RPTOR: variants seen among roughly 807,000 people sequenced by gnomAD.
The protein encoded by RPTOR is regulatory associated protein of MTOR complex 1, also known as regulatory-associated protein of mTOR.
RPTOR carries 21 observed loss-of-function variants against 169.9 expected under a neutral mutation model. That is an observed-to-expected ratio of 0.12 (90% CI 0.09 to 0.18). RPTOR has a LOEUF of 0.18. Ranked by LOEUF, RPTOR falls within the 10% of genes least tolerant of loss-of-function variation. The pLI, the probability that RPTOR is intolerant of heterozygous loss-of-function variation, is 1.00. For missense variants in RPTOR, 1,133 were observed against 1,855.9 expected (o/e 0.61, Z 7.16); for synonymous variants, 732 against 753.2 (o/e 0.97, Z 0.46).
chr17:80,653,354 G>T (rs752709822), intron 3 of RPTOR, among the ~76,000 whole-genome samples: 1 of 152,154 alleles, frequency 6.6e-6, no homozygotes. Context: ...ACCAGCCTGG[G>T]CAACATAGTG....
At chr17:80,560,171 G>T (rs2084462181) in intron 1 of RPTOR, among the ~76,000 whole-genome samples, 1 of 152,208 alleles carries the variant, frequency 6.6e-6, no homozygotes, top group South Asian at 2.1e-4. Context: ...CAGGAATTCT[G>T]CAGCTGGACA....
At chr17:80,598,497 G>A (rs1180121704) in intron 1 of RPTOR, among the ~76,000 whole-genome samples, 2 of 152,188 alleles carry the variant, frequency 1.3e-5, no homozygotes, top group African/African-American at 4.8e-5. Flanking sequence ...AGACAAAAAG[G>A]TTTTTAAAAA....
intron 1 of RPTOR, among the ~76,000 whole-genome samples, chr17:80,599,594 G>T (rs537418233): frequency 3.9e-5 from 6 of 152,158 alleles, no homozygotes; most frequent in African/African-American, 9.7e-5. Context: ...AGGTAATAGG[G>T]TCTAGTATTT....
intron 1 of RPTOR, among the ~76,000 whole-genome samples, chr17:80,595,084 AAGAG>A (rs368899671): frequency 3.3e-5 from 5 of 151,506 alleles, no homozygotes; most frequent in African/African-American, 7.3e-5. Flanking sequence ...GGAGAAGAGA[AAGAG>A]AGAGAGAGAC....
Position 80,945,651 on chromosome 17 carries a change from G to T in RPTOR, c.3026-16G>T. ...TGCTGGCTCCTGGATCCACTCTTGT[G>T]TGTTTCTTTTGACAGGCATTACGAG... On this transcript the variant is annotated splice_polypyrimidine_tract_variant and intron_variant, in intron 25 of 33. Transcript: ENST00000306801. The T allele has an allele frequency of 6.6e-7, 1 of 1,512,430 alleles. No homozygotes were observed. The highest frequency in any genetic ancestry group is 9.1e-7 in the Non-Finnish European group (1 of 1,092,936). 93.7% of individuals were successfully genotyped at this position (1,512,430 alleles called of 1,614,324 possible).
chr17:80,776,163 T>C (rs752190834), intron 6 of RPTOR, among the ~76,000 whole-genome samples: 1 of 152,142 alleles, frequency 6.6e-6, no homozygotes. Context: ...TGTGCCACTG[T>C]ACTCTAGCCT....
chr17:80,607,387 T>A (rs1851415730), intron 1 of RPTOR, among the ~76,000 whole-genome samples: 1 of 152,228 alleles, frequency 6.6e-6, no homozygotes, highest in African/African-American at 2.4e-5. Context: ...TTTAATGTCA[T>A]GTATCAATCG....
intron 3 of RPTOR, among the ~76,000 whole-genome samples, chr17:80,650,370 G>A (rs1039278908): frequency 6.6e-6 from 1 of 152,182 alleles, no homozygotes; most frequent in African/African-American, 2.4e-5. Context: ...GGTGGAGTCC[G>A]CCTCCTCCCT....
At chr17:80,572,653 AG>A (rs1217357811) in intron 1 of RPTOR, among the ~76,000 whole-genome samples, 1 of 152,186 alleles carries the variant, frequency 6.6e-6, no homozygotes, top group African/African-American at 2.4e-5. Context: ...TGATCCCAGC[AG>A]TTCCAGGCTG....
At chr17:80,919,007 A>T (rs2068713611) in intron 21 of RPTOR, among the ~76,000 whole-genome samples, 1 of 152,120 alleles carries the variant, frequency 6.6e-6, no homozygotes, top group Non-Finnish European at 1.5e-5. Flanking sequence ...CTGAGGAGGG[A>T]AGGAGCTGGT....
chr17:80,608,892 C>T (rs1248724749), intron 1 of RPTOR, among the ~76,000 whole-genome samples: 1 of 152,190 alleles, frequency 6.6e-6, no homozygotes, highest in African/African-American at 2.4e-5. Context: ...TAACTGAGCA[C>T]GAAGCTGAGG....
chr17:80,664,161 G>A (rs539609677), intron 3 of RPTOR, among the ~76,000 whole-genome samples: 1 of 152,286 alleles, frequency 6.6e-6, no homozygotes, highest in East Asian at 1.9e-4. Flanking sequence ...TGGCTGTGGA[G>A]CGCCCTGTTG....
At chr17:80,938,855 C>T (rs1441489188) in intron 24 of RPTOR, among the ~76,000 whole-genome samples, 2 of 152,190 alleles carry the variant, frequency 1.3e-5, no homozygotes, top group African/African-American at 4.8e-5. Flanking sequence ...ACAAAGCATT[C>T]GAGGAAGAGA....
At chr17:80,744,933 A>ACT (rs2066555098) in intron 5 of RPTOR, among the ~76,000 whole-genome samples, 5 of 151,346 alleles carry the variant, frequency 3.3e-5, no homozygotes, top group South Asian at 2.1e-4. Flanking sequence ...GGTTACTAGC[A>ACT]GAGCCCTGGT....
chr17:80,611,024 A>G (rs2065266707), intron 1 of RPTOR, among the ~76,000 whole-genome samples: 1 of 152,142 alleles, frequency 6.6e-6, no homozygotes, highest in African/African-American at 2.4e-5. Flanking sequence ...ATTTCAAGCA[A>G]TAGATTGCAT....
At chr17:80,837,732 C>G (rs1468345251) in intron 9 of RPTOR, among the ~76,000 whole-genome samples, 190 bp from the exon 10 acceptor site, 1 of 152,222 alleles carries the variant, frequency 6.6e-6, no homozygotes, top group Non-Finnish European at 1.5e-5. Flanking sequence ...TCCTGGCCTC[C>G]CCTCGGACGT....
chr17:80,831,100 C>T (rs1033124210), intron 9 of RPTOR, among the ~76,000 whole-genome samples: 1 of 152,150 alleles, frequency 6.6e-6, no homozygotes, highest in African/African-American at 2.4e-5. Context: ...CCATAGCAGC[C>T]GTGTGTTGTT....
intron 3 of RPTOR, among the ~76,000 whole-genome samples, chr17:80,694,706 T>C (rs769465828): frequency 3.9e-5 from 6 of 152,096 alleles, no homozygotes; most frequent in Admixed American, 6.5e-5. Context: ...CGAGGAGATG[T>C]GGTATTGGTC....
At chr17:80,764,055 T>A (rs2066761081) in intron 6 of RPTOR, among the ~76,000 whole-genome samples, 1 of 152,078 alleles carries the variant, frequency 6.6e-6, no homozygotes, top group Non-Finnish European at 1.5e-5. Flanking sequence ...ATTATTGATA[T>A]ATAGCAGAGA....
Sources: allele counts gnomAD v4.1 joint callset (sites outside exome capture counted in the v4.1 genomes callset), GRCh38; gene constraint gnomAD v4.1.1; transcripts MANE v1.5; gene names NCBI Gene and HGNC (gene_info 2026-07-23, HGNC 2026-07-21).